The following NRG3 variants were observed in gnomAD, a reference collection of about 807,000 sequenced individuals.
NRG3 encodes neuregulin 3, also known as pro-neuregulin-3, membrane-bound isoform.
Under a neutral mutation model 66.9 loss-of-function variants are expected in NRG3, and 31 were observed. The observed-to-expected ratio is 0.46, with a 90% CI of 0.35 to 0.63. NRG3 has a LOEUF of 0.63. Among genes scored for constraint, NRG3 ranks in the 20% least tolerant of loss-of-function variants. The pLI, the probability that NRG3 is intolerant of heterozygous loss-of-function variation, is 0.00. For synonymous variants in NRG3, 393 were observed against 359.4 expected (o/e 1.09, Z -1.06); for missense variants, 910 against 878.9 (o/e 1.04, Z -0.45).
At chr10:82,526,192 A>G (rs1384780023) in intron 2 of NRG3, among the ~76,000 whole-genome samples, 1 of 151,900 alleles carries the variant, frequency 6.6e-6, no homozygotes. Context: ...AGGAATATAA[A>G]TAGGTAAATT....
At chr10:81,960,788 A>G (rs376010002) in intron 1 of NRG3, among the ~76,000 whole-genome samples, 16 of 152,064 alleles carry the variant, frequency 1.1e-4, no homozygotes, top group African/African-American at 3.6e-4. Flanking sequence ...GGAGAATGCC[A>G]CATCCGCTGA....
chr10:82,071,889 T>G (rs2064825559), intron 1 of NRG3, among the ~76,000 whole-genome samples: 3 of 152,120 alleles, frequency 2.0e-5, no homozygotes, highest in Non-Finnish European at 4.4e-5. Flanking sequence ...ACTTGAAAAT[T>G]TTATATTGTT....
intron 5 of NRG3, among the ~76,000 whole-genome samples, chr10:82,958,106 G>A (rs1484125493): frequency 6.6e-6 from 1 of 152,170 alleles, no homozygotes; most frequent in Non-Finnish European, 1.5e-5. Flanking sequence ...GAACCCTACA[G>A]CAGTTTCAGC....
At chr10:82,784,952 A>G (rs1164674706) in intron 3 of NRG3, among the ~76,000 whole-genome samples, 1 of 152,220 alleles carries the variant, frequency 6.6e-6, no homozygotes, top group Non-Finnish European at 1.5e-5. Flanking sequence ...CTTGGAACCA[A>G]CCCAAATGTC....
At chr10:82,373,876 T>C (rs899720010) in intron 2 of NRG3, among the ~76,000 whole-genome samples, 1 of 152,212 alleles carries the variant, frequency 6.6e-6, no homozygotes, top group Non-Finnish European at 1.5e-5. Context: ...TTTAATGATA[T>C]TAAATAGTAG....
At chr10:82,887,912 C>T (rs1842852638) in intron 4 of NRG3, among the ~76,000 whole-genome samples, 1 of 152,210 alleles carries the variant, frequency 6.6e-6, no homozygotes, top group Non-Finnish European at 1.5e-5. Flanking sequence ...GAACCCAGTG[C>T]TGACTGGCAC....
chr10:82,303,136 CAAGT>C (rs2134809707), intron 1 of NRG3, among the ~76,000 whole-genome samples: 1 of 152,310 alleles, frequency 6.6e-6, no homozygotes, highest in East Asian at 1.9e-4. Context: ...TTCTCCCACT[CAAGT>C]AAGATAAACT....
chr10:82,913,334 T>C (rs1845515118), intron 4 of NRG3, among the ~76,000 whole-genome samples: 1 of 152,238 alleles, frequency 6.6e-6, no homozygotes, highest in Non-Finnish European at 1.5e-5. Flanking sequence ...ATCTGTTAGT[T>C]CAAATAAAAA....
intron 2 of NRG3, among the ~76,000 whole-genome samples, chr10:82,595,319 G>A (rs75791016): frequency 0.031 from 4,691 of 152,230 alleles, 251 homozygotes; most frequent in African/African-American, 0.11. Flanking sequence ...ATATCCTCAA[G>A]CTACTACGAC....
intron 3 of NRG3, among the ~76,000 whole-genome samples, chr10:82,744,653 A>G (rs1225207852): frequency 2.6e-5 from 4 of 152,182 alleles, no homozygotes; most frequent in African/African-American, 7.2e-5. Flanking sequence ...ATTGAATTAC[A>G]GACTACAAAG....
intron 3 of NRG3, among the ~76,000 whole-genome samples, chr10:82,859,971 A>G (rs554704364): frequency 6.6e-6 from 1 of 152,202 alleles, no homozygotes; most frequent in Non-Finnish European, 1.5e-5. Context: ...ACCTAGTCCT[A>G]AAATCTTAAG....
chr10:82,693,122 C>T (rs1017438243), intron 2 of NRG3, among the ~76,000 whole-genome samples: 1 of 152,178 alleles, frequency 6.6e-6, no homozygotes, highest in Non-Finnish European at 1.5e-5. Flanking sequence ...TTCCTAATTT[C>T]CAATTAGCCA....
intron 2 of NRG3, among the ~76,000 whole-genome samples, chr10:82,648,585 A>G (rs992342633): frequency 1.3e-5 from 2 of 152,116 alleles, no homozygotes; most frequent in Non-Finnish European, 2.9e-5. Context: ...GAAGCTATAA[A>G]TTACCTTGGG....
intron 6 of NRG3, among the ~76,000 whole-genome samples, chr10:82,970,818 A>G (rs10885542): frequency 0.36 from 55,330 of 152,016 alleles, 10,592 homozygotes; most frequent in East Asian, 0.66. Flanking sequence ...CATCTCCCAT[A>G]TAGTTTTATA....
chr10:82,004,106 G>C (rs920537387), intron 1 of NRG3, among the ~76,000 whole-genome samples: 2 of 151,742 alleles, frequency 1.3e-5, no homozygotes, highest in African/African-American at 4.8e-5. Flanking sequence ...TTTTTATTGG[G>C]TTGCAATAAT....
At chr10:82,971,751 A>G (rs1170396856) in intron 6 of NRG3, among the ~76,000 whole-genome samples, 3 of 152,134 alleles carry the variant, frequency 2.0e-5, no homozygotes, top group Admixed American at 1.3e-4. Flanking sequence ...AAAGCCTTTC[A>G]TAGTGAAGCT....
At chr10:82,299,505 A>G (rs1159332678) in intron 1 of NRG3, among the ~76,000 whole-genome samples, 2 of 151,528 alleles carry the variant, frequency 1.3e-5, no homozygotes, top group African/African-American at 4.9e-5. Flanking sequence ...AGAGGCCAGC[A>G]TTTTTAAAAA....
intron 1 of NRG3, among the ~76,000 whole-genome samples, chr10:82,356,502 G>A (rs936997143): frequency 5.9e-5 from 9 of 152,180 alleles, no homozygotes; most frequent in Non-Finnish European, 1.3e-4. Context: ...GATTGATTCT[G>A]TGTGACTGTT....
At chr10:82,810,271 T>A (rs1044291081) in intron 3 of NRG3, among the ~76,000 whole-genome samples, 1 of 152,226 alleles carries the variant, frequency 6.6e-6, no homozygotes, top group Non-Finnish European at 1.5e-5. Context: ...TGAAAAGTTT[T>A]AAAGATCTGG....
Sources: allele counts gnomAD v4.1 joint callset (sites outside exome capture counted in the v4.1 genomes callset), GRCh38; gene constraint gnomAD v4.1.1; transcripts MANE v1.5; gene names NCBI Gene and HGNC (gene_info 2026-07-23, HGNC 2026-07-21).